DPH6: variants seen among roughly 807,000 people sequenced by gnomAD.
DPH6 encodes diphthamine biosynthesis 6.
In DPH6, 33 loss-of-function variants were observed where a neutral mutation model predicts 38.2. The observed-to-expected ratio is 0.86, with a 90% confidence interval of 0.65 to 1.15. The LOEUF is 1.15. DPH6 is among the 50% of genes most tolerant of loss of function. The pLI, the probability that DPH6 is intolerant of heterozygous loss-of-function variation, is 0.00. For synonymous variants in DPH6, 108 were observed against 103.0 expected (o/e 1.05, Z -0.30); for missense variants, 325 against 320.0 (o/e 1.02, Z -0.12).
At chr15:35,281,805 G>A (rs2051901239) in intron 3 of DPH6, among the ~76,000 whole-genome samples, 1 of 152,184 alleles carries the variant, frequency 6.6e-6, no homozygotes, top group South Asian at 2.1e-4. Context: ...TTCTAATAGA[G>A]ATATCTACCG....
intron 3 of DPH6, among the ~76,000 whole-genome samples, chr15:35,294,145 C>T (rs1339898248): frequency 2.6e-5 from 4 of 152,140 alleles, no homozygotes; most frequent in Non-Finnish European, 5.9e-5. Flanking sequence ...TTCCCTGCTT[C>T]GAAAATGCTG....
chr15:35,522,326 G>T, intron 3 of DPH6: 2 of 1,577,698 alleles, frequency 1.3e-6, no homozygotes, highest in South Asian at 2.3e-5. Context: ...GTTTAGGATT[G>T]ACCAGAAAAA....
intron 3 of DPH6, chr15:35,237,637 C>T: frequency 6.2e-7 from 1 of 1,612,152 alleles, no homozygotes; most frequent in Non-Finnish European, 8.5e-7. Context: ...AAGACCTCAG[C>T]ACAACAGAGC....
intron 3 of DPH6, among the ~76,000 whole-genome samples, chr15:35,336,661 G>T (rs1237432384): frequency 6.6e-6 from 1 of 152,160 alleles, no homozygotes; most frequent in Non-Finnish European, 1.5e-5. Context: ...ATGAAGAGTT[G>T]TTGAATTTTG....
chr15:35,235,124 G>A (rs918633466), intron 3 of DPH6, among the ~76,000 whole-genome samples: 15 of 152,104 alleles, frequency 9.9e-5, no homozygotes, highest in African/African-American at 3.1e-4. Flanking sequence ...TACCATTTCC[G>A]GGCATTCACT....
intron 3 of DPH6, among the ~76,000 whole-genome samples, chr15:35,482,183 C>T (rs546770997): frequency 6.6e-6 from 1 of 152,146 alleles, no homozygotes; most frequent in Non-Finnish European, 1.5e-5. Context: ...GATCTCCTGG[C>T]AAACGAACTG....
intron 3 of DPH6, among the ~76,000 whole-genome samples, chr15:35,458,183 T>C (rs2054020067): frequency 6.6e-6 from 1 of 152,182 alleles, no homozygotes; most frequent in Non-Finnish European, 1.5e-5. Flanking sequence ...TTATCTACAG[T>C]GGGTTGAATC....
chr15:35,284,511 C>CTTTTTTATTTTTT lies in DPH6; in HGVS notation n.201-63930_201-63929insAAAAAATAAAAAA, dbSNP rs747398469. Among the ~76,000 whole-genome samples the CTTTTTTATTTTTT allele has an allele frequency of 4.0e-3, 607 of 151,498 alleles. 3 individuals carry two copies. The highest frequency in any genetic ancestry group is 6.8e-3 in the Non-Finnish European group (462 of 67,892). On this transcript the variant is annotated intron_variant and non_coding_transcript_variant, in intron 3 of 3. Coordinates refer to the DPH6 transcript ENST00000560386. ...TAATGAAAAGAAAAAAGTGAGAGCA[C>CTTTTTTATTTTTT]TTACTGTTTTATTTATTTACCTTAT...
chr15:35,294,458 AG>A (rs1254811388), intron 3 of DPH6, among the ~76,000 whole-genome samples: 1 of 152,196 alleles, frequency 6.6e-6, no homozygotes, highest in African/African-American at 2.4e-5. Context: ...CATGTCCATG[AG>A]GATTGAGCTG....
intron 3 of DPH6, among the ~76,000 whole-genome samples, chr15:35,262,701 G>C (rs1477377826): frequency 2.2e-5 from 2 of 91,394 alleles, no homozygotes; most frequent in South Asian, 7.7e-4. Context: ...GCAAGACTCC[G>C]TCTCAAAAAA....
chr15:35,258,059 C>A (rs2140415202), intron 3 of DPH6, among the ~76,000 whole-genome samples: 1 of 152,226 alleles, frequency 6.6e-6, no homozygotes, highest in Non-Finnish European at 1.5e-5. Context: ...TATCTTCTAT[C>A]CATTCTTTTT....
At chr15:35,355,868 C>G (rs565122831) in intron 3 of DPH6, among the ~76,000 whole-genome samples, 2 of 152,198 alleles carry the variant, frequency 1.3e-5, no homozygotes, top group African/African-American at 4.8e-5. Context: ...GGATAATATC[C>G]TGCAGAGTGT....
chr15:35,418,371 G>T (rs1043484529), intron 5 of DPH6, among the ~76,000 whole-genome samples: 1 of 152,050 alleles, frequency 6.6e-6, no homozygotes, highest in Admixed American at 6.6e-5. Flanking sequence ...ATATTACTTT[G>T]AGTTACTAAC....
chr15:35,481,421 G>C (rs2054325232), intron 3 of DPH6, among the ~76,000 whole-genome samples: 1 of 152,076 alleles, frequency 6.6e-6, no homozygotes, highest in Non-Finnish European at 1.5e-5. Flanking sequence ...AGACTTGAAA[G>C]ACATATTAAC....
chr15:35,455,317 G>C (rs2053982545), intron 3 of DPH6, among the ~76,000 whole-genome samples: 1 of 152,126 alleles, frequency 6.6e-6, no homozygotes, highest in Admixed American at 6.5e-5. Context: ...GCATTGCCTG[G>C]ATAACAGTAT....
At chr15:35,339,061 A>C (rs1566874096) in intron 3 of DPH6, among the ~76,000 whole-genome samples, 1 of 152,162 alleles carries the variant, frequency 6.6e-6, no homozygotes, top group African/African-American at 2.4e-5. Flanking sequence ...GGGGGATAGC[A>C]TTAGGAGATA....
intron 3 of DPH6, among the ~76,000 whole-genome samples, chr15:35,250,942 T>C (rs1230415266): frequency 2.0e-5 from 3 of 152,202 alleles, no homozygotes; most frequent in African/African-American, 7.2e-5. Context: ...TTAGTCACTT[T>C]TGATTTGTGT....
chr15:35,480,393 A>AATAAT (rs2054312799), intron 3 of DPH6, among the ~76,000 whole-genome samples: 1 of 152,114 alleles, frequency 6.6e-6, no homozygotes, highest in African/African-American at 2.4e-5. Context: ...TTTAAAACTG[A>AATAAT]ATTTCACCAA....
At chr15:35,522,005 T>G (rs1180636423) in intron 3 of DPH6, 6 of 1,499,198 alleles carry the variant, frequency 4.0e-6, no homozygotes, top group Non-Finnish European at 5.3e-6. Context: ...GCAAGCAGAA[T>G]GAAAAACAGG....
Sources: gnomAD v4.1 joint callset for allele counts (sites outside exome capture counted in the v4.1 genomes callset) on GRCh38, gnomAD v4.1.1 for gene constraint, MANE v1.5 for transcripts, NCBI Gene and HGNC (gene_info 2026-07-23, HGNC 2026-07-21) for gene names.